DENND1A: variants seen among roughly 807,000 people sequenced by gnomAD.
DENND1A encodes the protein DENN domain containing 1A.
A neutral mutation model predicts 113.7 loss-of-function variants in DENND1A; 51 were observed. That is an observed-to-expected ratio of 0.45 (90% CI 0.36 to 0.57). DENND1A has a LOEUF of 0.57. DENND1A is among the 20% of genes least tolerant of loss of function. The pLI is 0.00. For synonymous variants in DENND1A, 565 were observed against 570.8 expected, an observed-to-expected ratio of 0.99 and a Z score of 0.14; for missense variants, 1,258 against 1,395.9, an observed-to-expected ratio of 0.90 and a Z score of 1.57.
At chr9:123,911,100 A>G (rs961622788) in intron 1 of DENND1A, among the ~76,000 whole-genome samples, 1 of 152,230 alleles carries the variant, frequency 6.6e-6, no homozygotes, top group Non-Finnish European at 1.5e-5. Context: ...CATAGTGAAA[A>G]ACAGGAAAAG....
chr9:123,588,539 G>A (rs1037795384), intron 11 of DENND1A, among the ~76,000 whole-genome samples: 6 of 147,056 alleles, frequency 4.1e-5, no homozygotes, highest in African/African-American at 1.2e-4. Flanking sequence ...AGAATTGCTT[G>A]GACCTGGGAG....
chr9:123,872,882 C>T (rs529233050), intron 2 of DENND1A, among the ~76,000 whole-genome samples: 2 of 152,308 alleles, frequency 1.3e-5, no homozygotes, highest in African/African-American at 4.8e-5. Context: ...AAAGTAGTTT[C>T]AGTGCTTTCT....
At chr9:123,460,995 T>C (rs2048481820) in intron 13 of DENND1A, among the ~76,000 whole-genome samples, 1 of 152,182 alleles carries the variant, frequency 6.6e-6, no homozygotes, top group Admixed American at 6.5e-5. Flanking sequence ...AAGGGAGAGC[T>C]CCTTAACCAG....
intron 8 of DENND1A, among the ~76,000 whole-genome samples, chr9:123,660,065 G>A (rs1242325608): frequency 1.3e-5 from 2 of 152,080 alleles, no homozygotes; most frequent in African/African-American, 2.4e-5. Flanking sequence ...ATTCCAGGGA[G>A]GCAGTGGGGT....
chr9:123,751,082 C>T (rs1466352833), intron 5 of DENND1A: 1 of 152,148 alleles, frequency 6.6e-6, no homozygotes, highest in Non-Finnish European at 1.5e-5. Flanking sequence ...GAAACAGAGT[C>T]CTTTGATTTT....
intron 10 of DENND1A, among the ~76,000 whole-genome samples, chr9:123,627,880 T>C (rs2061311577): frequency 6.6e-6 from 1 of 152,064 alleles, no homozygotes. Context: ...GACACAGGTG[T>C]CACCCTGCTG....
intron 21 of DENND1A, chr9:123,401,230 G>A (rs2043437051): frequency 6.5e-6 from 1 of 154,034 alleles, no homozygotes; most frequent in South Asian, 2.0e-4. Context: ...TTTTCCGCTG[G>A]ATGCTTCCTG....
intron 15 of DENND1A, among the ~76,000 whole-genome samples, chr9:123,455,580 G>A (rs1024811524): frequency 1.2e-4 from 18 of 152,300 alleles, no homozygotes; most frequent in African/African-American, 4.3e-4. Flanking sequence ...ATAGGTAACA[G>A]CCACTGAGAC....
At chr9:123,858,008 G>T (rs1317362052) in intron 2 of DENND1A, among the ~76,000 whole-genome samples, 3 of 148,320 alleles carry the variant, frequency 2.0e-5, no homozygotes, top group Non-Finnish European at 4.4e-5. Flanking sequence ...GCAGTGAGCA[G>T]AGATCTTGCC....
chr9:123,697,286 T>TA (rs1414291402), intron 5 of DENND1A, among the ~76,000 whole-genome samples: 4 of 152,236 alleles, frequency 2.6e-5, no homozygotes, highest in Admixed American at 6.5e-5. Flanking sequence ...AGTGTGTCTT[T>TA]AGTCATACAA....
At chr9:123,929,377 G>A (rs1446298298) in intron 1 of DENND1A, among the ~76,000 whole-genome samples, 1 of 152,176 alleles carries the variant, frequency 6.6e-6, no homozygotes. Flanking sequence ...AGAGAGACAG[G>A]CCTTCCTCCC....
At chr9:123,619,005 T>G (rs1356129712) in intron 10 of DENND1A, among the ~76,000 whole-genome samples, 1 of 152,226 alleles carries the variant, frequency 6.6e-6, no homozygotes, top group Non-Finnish European at 1.5e-5. Flanking sequence ...TGGAGTGCAG[T>G]GACGCGATCT....
chr9:123,461,291 A>C (rs889979425), intron 13 of DENND1A, among the ~76,000 whole-genome samples: 4 of 152,212 alleles, frequency 2.6e-5, no homozygotes, highest in African/African-American at 7.2e-5. Flanking sequence ...CCAGGAGCTC[A>C]AGGGGCCAGA....
chr9:123,495,558 G>A (rs2051837197), intron 13 of DENND1A, among the ~76,000 whole-genome samples: 1 of 152,206 alleles, frequency 6.6e-6, no homozygotes, highest in Non-Finnish European at 1.5e-5. Context: ...TATCAGGTCT[G>A]TGTGGTCACA....
intron 13 of DENND1A, among the ~76,000 whole-genome samples, chr9:123,479,601 G>A (rs2050174829): frequency 6.6e-6 from 1 of 152,166 alleles, no homozygotes; most frequent in Non-Finnish European, 1.5e-5. Flanking sequence ...TCTGTCCCAC[G>A]GCTACTGAAA....
intron 11 of DENND1A, among the ~76,000 whole-genome samples, chr9:123,585,795 T>C (rs2059135213): frequency 6.6e-6 from 1 of 152,220 alleles, no homozygotes; most frequent in Non-Finnish European, 1.5e-5. Flanking sequence ...CCCAAGGTTA[T>C]GTGTCTATTA....
chr9:123,813,446 A>G (rs1836963027), intron 2 of DENND1A, among the ~76,000 whole-genome samples: 1 of 151,936 alleles, frequency 6.6e-6, no homozygotes, highest in Non-Finnish European at 1.5e-5. Flanking sequence ...TCTCTCAAAT[A>G]GAGGAATTGC....
At chr9:123,601,680 T>G (rs1047442708) in intron 11 of DENND1A, among the ~76,000 whole-genome samples, 4 of 152,222 alleles carry the variant, frequency 2.6e-5, no homozygotes, top group Non-Finnish European at 1.5e-5. Context: ...ACTAGGAAAA[T>G]GAATGTTTGG....
chr9:123,899,562 T>A (rs1037097301), intron 1 of DENND1A, among the ~76,000 whole-genome samples: 2 of 152,220 alleles, frequency 1.3e-5, no homozygotes, highest in African/African-American at 4.8e-5. Context: ...CTACTCCCTG[T>A]CTATTCTGGA....
Sources: gnomAD v4.1 joint callset for allele counts (sites outside exome capture counted in the v4.1 genomes callset) on GRCh38, gnomAD v4.1.1 for gene constraint, MANE v1.5 for transcripts, NCBI Gene and HGNC (gene_info 2026-07-23, HGNC 2026-07-21) for gene names.